BTNL8: variants seen among roughly 807,000 people sequenced by gnomAD.
BTNL8 encodes butyrophilin-like protein 8.
BTNL8 carries 22 observed loss-of-function variants against 36.1 expected under a neutral mutation model. The observed-to-expected ratio is 0.61, with a 90% CI of 0.44 to 0.87. The LOEUF (loss-of-function observed/expected upper bound fraction) is 0.87. Among genes scored for constraint, BTNL8 ranks in the 40% least tolerant of loss-of-function variants. BTNL8 has a pLI of 0.00. For synonymous variants in BTNL8, 203 were observed against 235.6 expected, an observed-to-expected ratio of 0.86 and a Z score of 1.27; for missense variants, 526 against 616.9, an observed-to-expected ratio of 0.85 and a Z score of 1.56.
chr5:180,938,305 G>C (rs1665730754), intron 3 of BTNL8, among the ~76,000 whole-genome samples: 1 of 152,132 alleles, frequency 6.6e-6, no homozygotes, highest in Non-Finnish European at 1.5e-5. Context: ...AATAATAGCT[G>C]AAAACTTTGC....
At chr5:180,944,875 T>C (rs763381328) in intron 3 of BTNL8, among the ~76,000 whole-genome samples, 2 of 152,190 alleles carry the variant, frequency 1.3e-5, no homozygotes, top group African/African-American at 2.4e-5. Flanking sequence ...AGGATTAGCA[T>C]TGTTAAAATG....
At chr5:180,899,584 C>T (rs993049639) in intron 1 of BTNL8, among the ~76,000 whole-genome samples, 1 of 152,144 alleles carries the variant, frequency 6.6e-6, no homozygotes, top group Non-Finnish European at 1.5e-5. Context: ...CGGGGACACA[C>T]CTAACGTGTT....
intron 3 of BTNL8, among the ~76,000 whole-genome samples, chr5:180,941,700 A>T (rs764480607): frequency 6.6e-6 from 1 of 152,132 alleles, no homozygotes; most frequent in Admixed American, 6.5e-5. Flanking sequence ...CAAAAAGTAT[A>T]TGATCATCTC....
intron 3 of BTNL8, among the ~76,000 whole-genome samples, chr5:180,914,085 T>C (rs1757520194): frequency 6.6e-6 from 1 of 152,222 alleles, no homozygotes; most frequent in African/African-American, 2.4e-5. Context: ...GATATGGTTT[T>C]AGTGTTGTGT....
intron 2 of BTNL8, chr5:180,909,648 G>A: frequency 1.1e-6 from 1 of 933,136 alleles, no homozygotes; most frequent in Non-Finnish European, 1.3e-6. Context: ...GAGAGGCTGA[G>A]ACAGGAGGAT....
At chr5:180,920,753 T>C (rs6601153) in intron 3 of BTNL8, among the ~76,000 whole-genome samples, 68,217 of 151,838 alleles carry the variant, frequency 0.45, 16,416 homozygotes, top group African/African-American at 0.63. Context: ...ACCAAAAATA[T>C]TCCAATTTTT....
chr5:180,912,987 C>G (rs1258141928), intron 3 of BTNL8, among the ~76,000 whole-genome samples: 1 of 152,024 alleles, frequency 6.6e-6, no homozygotes, highest in Non-Finnish European at 1.5e-5. Context: ...CTGAAAGAGA[C>G]CCTTATTTTC....
At chr5:180,944,486 GA>G (rs1759143689) in intron 3 of BTNL8, among the ~76,000 whole-genome samples, 2 of 152,268 alleles carry the variant, frequency 1.3e-5, no homozygotes, top group East Asian at 3.9e-4. Flanking sequence ...CATAGAAGTA[GA>G]AAGTGGAATA....
intron 3 of BTNL8, among the ~76,000 whole-genome samples, chr5:180,922,898 G>A (rs1382370415): frequency 1.3e-5 from 2 of 152,026 alleles, no homozygotes; most frequent in African/African-American, 2.4e-5. Context: ...TATATATTCA[G>A]GATAGTTATG....
chr5:180,931,899 G>C (rs1028454290), intron 3 of BTNL8, among the ~76,000 whole-genome samples: 1 of 152,178 alleles, frequency 6.6e-6, no homozygotes, highest in African/African-American at 2.4e-5. Context: ...AGACAGTGTG[G>C]CGATTCCTCA....
intron 3 of BTNL8, among the ~76,000 whole-genome samples, chr5:180,932,881 C>T (rs1758464782): frequency 6.6e-6 from 1 of 151,940 alleles, no homozygotes; most frequent in African/African-American, 2.4e-5. Context: ...AATACATAGA[C>T]TGGCTGAATG....
At chr5:180,941,914 T>TTTTTTTTTTTTGAGACGG (rs1281454934) in intron 3 of BTNL8, among the ~76,000 whole-genome samples, 7 of 150,972 alleles carry the variant, frequency 4.6e-5, no homozygotes, top group African/African-American at 1.5e-4. Context: ...TTACTACTCT[T>TTTTTTTTTTTTGAGACGG]ATTCAACAAA....
At chr5:180,914,861 G>A (rs1461057391) in intron 3 of BTNL8, among the ~76,000 whole-genome samples, 1 of 152,178 alleles carries the variant, frequency 6.6e-6, no homozygotes, top group Non-Finnish European at 1.5e-5. Context: ...AGGAAGGTAA[G>A]AACTGTTTCC....
intron 3 of BTNL8, among the ~76,000 whole-genome samples, chr5:180,936,903 A>C (rs1173056091): frequency 1.3e-5 from 2 of 152,202 alleles, no homozygotes; most frequent in Non-Finnish European, 2.9e-5. Context: ...AGGAATTGGG[A>C]ATTAGCCTGC....
intron 3 of BTNL8, among the ~76,000 whole-genome samples, chr5:180,945,456 CA>C (rs35489170): frequency 0.18 from 27,462 of 151,948 alleles, 4,107 homozygotes; most frequent in African/African-American, 0.42. Flanking sequence ...CAAAAATAGA[CA>C]AATGGGATTA....
intron 3 of BTNL8, among the ~76,000 whole-genome samples, chr5:180,941,920 A>T (rs1052043271): frequency 1.9e-5 from 1 of 52,690 alleles, no homozygotes; most frequent in Non-Finnish European, 3.7e-5. Context: ...CTCTTATTCA[A>T]CAAAGTACTG....
rs570217574 is a variant in BTNL8, at chr5:180,931,865, G to A, written c.674-15647G>A. On this transcript the variant is annotated intron_variant, in intron 3 of 7. Transcript: ENST00000340184. Reference sequence around the variant, plus strand: ...AAGTTTTTACACTATTGGTGGAAGTGTAAATTAGTTCAACCATTGTGGAAG... The same window carrying A: ...AAGTTTTTACACTATTGGTGGAAGTATAAATTAGTTCAACCATTGTGGAAG... 7.9e-5 allele frequency among the ~76,000 whole-genome samples: 12 copies of A among 152,288 alleles called. 1 individual carries two copies. In the South Asian group the frequency reaches 2.3e-3, roughly 29 times the overall value.
In BTNL8 at chr5:180,943,437, T is replaced by C. The variant is rs566379737; in HGVS notation, c.674-4075T>C. ...GAGCCACCGTGCCTGGCCAGGATGA[T>C]AGACCTTATATACATTTCTTAAAAG... On this transcript the variant is annotated intron_variant, in intron 3 of 7. Coordinates refer to ENST00000340184, the MANE Select transcript of BTNL8 (RefSeq NM_001040462.3). 1.3e-4 allele frequency among the ~76,000 whole-genome samples: 20 copies of C among 152,264 alleles called. No individual in the cohort carries two copies. The East Asian group carries it at 2.5e-3, about 19-fold the overall frequency.
At chr5:180,932,628 C>T (rs576155676) in intron 3 of BTNL8, among the ~76,000 whole-genome samples, 50 of 152,228 alleles carry the variant, frequency 3.3e-4, no homozygotes, top group South Asian at 1.0e-3. Context: ...GGATTACAGG[C>T]GTGAGCCACT....
Sources: gnomAD v4.1 joint callset for allele counts (sites outside exome capture counted in the v4.1 genomes callset) on GRCh38, gnomAD v4.1.1 for gene constraint, MANE v1.5 for transcripts, NCBI Gene and HGNC (gene_info 2026-07-23, HGNC 2026-07-21) for gene names.